The following CHEK1 variants were observed in gnomAD, a reference collection of about 807,000 sequenced individuals.
CHEK1 encodes checkpoint kinase 1.
Under a neutral mutation model 60.2 loss-of-function variants are expected in CHEK1, and 32 were observed. That is an observed-to-expected ratio of 0.53 (90% CI 0.40 to 0.71). The LOEUF (loss-of-function observed/expected upper bound fraction) is 0.71, where lower values mean the gene tolerates loss of function less well. CHEK1 is among the 30% of genes least tolerant of loss of function. The pLI, the probability that CHEK1 is intolerant of heterozygous loss-of-function variation, is 0.00. For missense variants in CHEK1, 399 were observed against 564.6 expected (o/e 0.71, Z 2.97); for synonymous variants, 179 against 187.2 (o/e 0.96, Z 0.36).
chr11:125,656,491 A>G lies in CHEK1; in HGVS notation c.*1171A>G, dbSNP rs1173691372. 4 of 216,010 alleles carry G rather than the reference A, an allele frequency of 1.9e-5. No homozygotes were observed. The highest frequency in any genetic ancestry group is 4.5e-5 in the African/African-American group (2 of 44,360). 13.4% of individuals were successfully genotyped at this position (216,010 alleles called of 1,614,324 possible). A position where few individuals can be genotyped will look rare whatever the true frequency, so the allele number is the denominator to read the frequency against. ...CAAATTGTGTTACTGGAGTATACCCATAGGAGGAATAAATTCAAACCTGTT... is the reference window on the plus strand; with the variant it reads ...CAAATTGTGTTACTGGAGTATACCCGTAGGAGGAATAAATTCAAACCTGTT... On this transcript the variant is annotated 3_prime_UTR_variant, in exon 13 of 13. Coordinates refer to ENST00000438015, the MANE Select transcript of CHEK1 (RefSeq NM_001114122.3).
chr11:125,675,412 T>TAGG (rs1371791396), intron 13 of CHEK1, among the ~76,000 whole-genome samples: 1 of 152,352 alleles, frequency 6.6e-6, no homozygotes, highest in African/African-American at 2.4e-5. Context: ...CATCTTTCTG[T>TAGG]AGTTCATGGT....
At chr11:125,667,675 C>A (rs1942124244) in intron 13 of CHEK1, among the ~76,000 whole-genome samples, 1 of 152,142 alleles carries the variant, frequency 6.6e-6, no homozygotes, top group African/African-American at 2.4e-5. Context: ...GGCTGGAGGG[C>A]AGTGGCACGA....
At chr11:125,658,897 G>C (rs1167167897), downstream of CHEK1, among the ~76,000 whole-genome samples, 1 of 151,930 alleles carries the variant, frequency 6.6e-6, no homozygotes, top group African/African-American at 2.4e-5. Flanking sequence ...TGTTGCCGAG[G>C]CTGGTTTCGA....
At chr11:125,654,740 G>T (rs1479000521) in intron 12 of CHEK1, among the ~76,000 whole-genome samples, 1 of 152,178 alleles carries the variant, frequency 6.6e-6, no homozygotes, top group East Asian at 1.9e-4. Context: ...AGTACTCTTT[G>T]TATTAGAGAT....
chr11:125,677,558 C>G (rs991506439), downstream of CHEK1, among the ~76,000 whole-genome samples: 1 of 152,102 alleles, frequency 6.6e-6, no homozygotes, highest in Non-Finnish European at 1.5e-5. Flanking sequence ...TGGAGGGGTA[C>G]TGGCATTTTG....
At chr11:125,645,014 C>G (rs762292355) in intron 11 of CHEK1, among the ~76,000 whole-genome samples, 1 of 151,970 alleles carries the variant, frequency 6.6e-6, no homozygotes, top group South Asian at 2.1e-4. Flanking sequence ...TCAAAGAAAA[C>G]CAAACAAACA....
chr11:125,653,295 G>GA lies in CHEK1; in HGVS notation c.1234-451_1234-450insA, dbSNP rs1941800023. Among the ~76,000 whole-genome samples, 1 of 152,112 alleles carries GA rather than the reference G, an allele frequency of 6.6e-6. No homozygotes were observed. The highest frequency in any genetic ancestry group is 2.1e-4 in the South Asian group (1 of 4,820). ...AGTGGCGCAATCATAGCTCACTGCA[G>GA]CTTCAACCTCCTGGGCTCAAGTGAC... is the stretch of plus-strand genomic sequence containing the variant. On this transcript the variant is annotated intron_variant, in intron 11 of 12. Coordinates refer to ENST00000438015, the MANE Select transcript of CHEK1 (RefSeq NM_001114122.3). This position sits in a 1 kb window ranked among gnomAD's most constrained non-coding sequence, Gnocchi z 4.3.
In CHEK1 at chr11:125,629,397, C is replaced by A; in HGVS notation, c.361C>A (p.Leu121Met). The A allele has an allele frequency of 6.2e-7, 1 of 1,613,788 alleles. No homozygotes were observed. Among genetic ancestry groups the A allele is most frequent in the Non-Finnish European group, 8.5e-7 (1 of 1,179,796 alleles). ...CTCTCTGCATCCCTCTTAGGTTTAT[C>A]TGCATGGTATTGGAATAACTCACAG... ...FHQLMAGVVY[L>M]HGIGITHRDI... Residue 121 changes from leucine (L) to methionine (M), a missense_variant, in exon 5 of 13, where the codon CTG becomes ATG. This residue lies in a region of CHEK1 where 370 missense variants were observed against 494.8 expected (regional missense o/e 0.75). Transcript: ENST00000438015.
At chr11:125,644,752 T>TA in intron 11 of CHEK1, 109 bp downstream of exon 11, 1 of 1,248,924 alleles carries the variant, frequency 8.0e-7, no homozygotes, top group Non-Finnish European at 1.1e-6. Context: ...CTCACACCTG[T>TA]AATCCCAGCT....
intron 13 of CHEK1, among the ~76,000 whole-genome samples, chr11:125,666,623 C>T (rs1038102733): frequency 5.3e-5 from 8 of 152,114 alleles, no homozygotes; most frequent in African/African-American, 2.4e-5. Context: ...GTATTGCAGT[C>T]GGTCTCTTCC....
chr11:125,678,383 A>G (rs559655598), downstream of CHEK1: 3 of 1,490,798 alleles, frequency 2.0e-6, no homozygotes, highest in African/African-American at 1.4e-5. Flanking sequence ...GGCTAATGTT[A>G]TGAGACTCCT....
intron 8 of CHEK1, 111 bp downstream of exon 8, chr11:125,637,655 GAGA>G: frequency 1.6e-6 from 1 of 608,838 alleles, no homozygotes; most frequent in Non-Finnish European, 2.7e-6. Context: ...TGTCCTCATG[GAGA>G]TTATAATGTC....
intron 11 of CHEK1, among the ~76,000 whole-genome samples, chr11:125,649,361 C>T (rs903561271): frequency 7.9e-5 from 12 of 151,956 alleles, no homozygotes; most frequent in African/African-American, 2.7e-4. Context: ...TACCAGCTCT[C>T]TTTTGGTTAT....
At chr11:125,645,387 T>C (rs1941464320) in intron 11 of CHEK1, among the ~76,000 whole-genome samples, 1 of 152,194 alleles carries the variant, frequency 6.6e-6, no homozygotes, top group South Asian at 2.1e-4. Context: ...ACATTGGTAT[T>C]CTAAACTGTC....
At chr11:125,680,619 G>T, downstream of CHEK1, 1 of 963,598 alleles carries the variant, frequency 1.0e-6, no homozygotes, top group Non-Finnish European at 1.6e-6. Context: ...TCTTGATTCT[G>T]ACTCAGATTG....
At chr11:125,628,504 G>GA (rs1165112855) in intron 3 of CHEK1, among the ~76,000 whole-genome samples, 2 of 152,212 alleles carry the variant, frequency 1.3e-5, no homozygotes, top group African/African-American at 4.8e-5. Flanking sequence ...GAGGGTAAAA[G>GA]AAATGGAGTT....
At chr11:125,655,172 TTTTG>T (rs1941868177) in intron 12 of CHEK1, 49 bp from the exon 13 acceptor site, 12 of 1,324,834 alleles carry the variant, frequency 9.1e-6, no homozygotes, top group Non-Finnish European at 1.3e-5. Flanking sequence ...TAGGACAGAA[TTTTG>T]TTTTTGTTTT....
chr11:125,654,898 G>C (rs531175391), intron 12 of CHEK1, among the ~76,000 whole-genome samples: 1 of 152,252 alleles, frequency 6.6e-6, no homozygotes, highest in South Asian at 2.1e-4. Flanking sequence ...TTTATTGTTA[G>C]TTTCCAAACC....
chr11:125,645,908 G>A (rs555914684), intron 11 of CHEK1, among the ~76,000 whole-genome samples: 4 of 152,218 alleles, frequency 2.6e-5, no homozygotes, highest in African/African-American at 9.6e-5. Context: ...GAAATCTGAG[G>A]TCAGCCTGAT....
Sources: gnomAD v4.1 joint callset for allele counts (sites outside exome capture counted in the v4.1 genomes callset) on GRCh38, gnomAD v4.1.1 for gene constraint, gnomAD v4.1.1 regional missense constraint, Gnocchi (gnomAD v3.1) non-coding constraint, MANE v1.5 for transcripts, NCBI Gene and HGNC (gene_info 2026-07-23, HGNC 2026-07-21) for gene names.